The following RALGAPA2 variants were observed in gnomAD, a reference collection of about 807,000 sequenced individuals.
RALGAPA2 encodes Ral GTPase activating protein catalytic subunit alpha 2, also known as ral GTPase-activating protein subunit alpha-2.
In RALGAPA2, 139 loss-of-function variants were observed where a neutral mutation model predicts 230.4. That is an observed-to-expected ratio of 0.60 (90% CI 0.53 to 0.69). RALGAPA2 has a LOEUF of 0.69. RALGAPA2 is among the 30% of genes least tolerant of loss of function. The pLI, the probability that RALGAPA2 is intolerant of heterozygous loss-of-function variation, is 0.00. For missense variants in RALGAPA2, 2,163 were observed against 2,276.0 expected (o/e 0.95, Z 1.01); for synonymous variants, 847 against 837.8 (o/e 1.01, Z -0.19).
intron 16 of RALGAPA2, among the ~76,000 whole-genome samples, chr20:20,597,549 A>C (rs934412685): frequency 4.6e-5 from 7 of 152,204 alleles, no homozygotes; most frequent in Non-Finnish European, 8.8e-5. Context: ...TTAGTACTAC[A>C]GAAAGCCACA....
chr20:20,638,405 A>G (rs2066928033), intron 7 of RALGAPA2, among the ~76,000 whole-genome samples: 1 of 152,216 alleles, frequency 6.6e-6, no homozygotes, highest in African/African-American at 2.4e-5. Context: ...AGCGGGGTTC[A>G]GCATCCATAA....
intron 1 of RALGAPA2, among the ~76,000 whole-genome samples, chr20:20,697,556 A>C (rs1236723743): frequency 6.6e-6 from 1 of 152,158 alleles, no homozygotes; most frequent in East Asian, 1.9e-4. Flanking sequence ...CTTTCTCGGA[A>C]AGACAGGAGC....
At position 20,591,169 on chromosome 20, in the gene RALGAPA2, T is replaced by C. The variant is rs773073993; in HGVS notation, c.2341+8A>G. 1.9e-5 allele frequency: 29 copies of C among 1,499,986 alleles called. No homozygotes were observed. The Admixed American group carries it at 5.0e-4, about 26-fold the overall frequency. The allele number at this position is 1,499,986 out of a possible 1,614,324, so 92.9% of individuals were successfully genotyped here. On this transcript the variant is annotated splice_region_variant and intron_variant, in intron 17 of 39. Transcript: ENST00000202677. ...AGTTCTGTATTAAACACTGAAGACA[T>C]CATGTACCCTGAGAAGAATCTGAGC...
intron 12 of RALGAPA2, among the ~76,000 whole-genome samples, chr20:20,616,772 A>G (rs1331765948): frequency 6.6e-6 from 1 of 151,526 alleles, no homozygotes; most frequent in Non-Finnish European, 1.5e-5. Context: ...CCAGGAGGCT[A>G]TTTTTTTTTA....
chr20:20,673,291 CAG>C (rs1308848170), intron 3 of RALGAPA2, among the ~76,000 whole-genome samples: 1 of 136,536 alleles, frequency 7.3e-6, no homozygotes, highest in Non-Finnish European at 1.6e-5. Flanking sequence ...ACACCAAAAA[CAG>C]AGTTTAAAGC....
At chr20:20,599,665 C>A (rs964525575) in intron 16 of RALGAPA2, among the ~76,000 whole-genome samples, 1 of 152,184 alleles carries the variant, frequency 6.6e-6, no homozygotes, top group Non-Finnish European at 1.5e-5. Context: ...TACCCTACTG[C>A]CCTTTCTCCT....
chr20:20,700,737 T>C (rs1465463861), intron 1 of RALGAPA2, among the ~76,000 whole-genome samples: 1 of 152,214 alleles, frequency 6.6e-6, no homozygotes, highest in African/African-American at 2.4e-5. Context: ...CTTTCTTATA[T>C]CTATTCCCCT....
chr20:20,493,922 T>A (rs1297258755), intron 36 of RALGAPA2, among the ~76,000 whole-genome samples: 1 of 152,198 alleles, frequency 6.6e-6, no homozygotes, highest in Non-Finnish European at 1.5e-5. Flanking sequence ...TCCCTTTATG[T>A]CAGGCTTTGC....
intron 4 of RALGAPA2, among the ~76,000 whole-genome samples, chr20:20,645,206 C>T (rs1481969042): frequency 1.3e-5 from 2 of 150,222 alleles, no homozygotes; most frequent in African/African-American, 4.9e-5. Context: ...CCTCCACCTC[C>T]TGGGTTCTAG....
intron 1 of RALGAPA2, among the ~76,000 whole-genome samples, chr20:20,705,662 G>GTTGTTTTGTTTTGTT (rs550201915): frequency 4.0e-5 from 6 of 151,854 alleles, no homozygotes; most frequent in African/African-American, 1.5e-4. Context: ...TGTTGTTGTT[G>GTTGTTTTGTTTTGTT]TTGTTTTGTT....
In RALGAPA2 at chr20:20,495,201, G is replaced by A. The variant is rs775579990; in HGVS notation, c.5283C>T (p.Ile1761=). 1 of 1,611,538 alleles carries A rather than the reference G, an allele frequency of 6.2e-7. No homozygotes were observed. The highest frequency in any genetic ancestry group is 1.3e-5 in the African/African-American group (1 of 74,898). Residue 1761 remains isoleucine, a synonymous_variant, in exon 36 of 40, where the codon ATC becomes ATT. Transcript: ENST00000202677. The part of the protein sequence containing the change: ...EHSRDYRRGI[I]PTAFGDVSII... Reference sequence around the variant, plus strand: ...TTGAAACATCTCCAAAGGCAGTTGGGATAATACCCCTGCGGTAGTCTCTGG... The same window carrying A: ...TTGAAACATCTCCAAAGGCAGTTGGAATAATACCCCTGCGGTAGTCTCTGG...
At chr20:20,536,043 T>C (rs2063490669) in intron 25 of RALGAPA2, among the ~76,000 whole-genome samples, 1 of 152,222 alleles carries the variant, frequency 6.6e-6, no homozygotes, top group African/African-American at 2.4e-5. Context: ...AGAGCGCTTC[T>C]GGTATAAAGC....
intron 1 of RALGAPA2, among the ~76,000 whole-genome samples, chr20:20,683,852 T>C (rs964680782): frequency 6.6e-6 from 1 of 152,136 alleles, no homozygotes; most frequent in Non-Finnish European, 1.5e-5. Context: ...GTATATAAGA[T>C]AATATCTGAC....
At chr20:20,424,766 C>G (rs543131687) in intron 37 of RALGAPA2, among the ~76,000 whole-genome samples, 2 of 151,340 alleles carry the variant, frequency 1.3e-5, no homozygotes, top group East Asian at 3.9e-4. Context: ...CTAATCTGCA[C>G]GTTGTGCACA....
chr20:20,680,868 T>A, intron 1 of RALGAPA2, 67 bp from the exon 2 acceptor site: 2 of 1,503,818 alleles, frequency 1.3e-6, no homozygotes, highest in Non-Finnish European at 1.8e-6. Flanking sequence ...AGAAACAAAC[T>A]TCTCAGAAAA....
chr20:20,685,612 G>A (rs867379756), intron 1 of RALGAPA2, among the ~76,000 whole-genome samples: 1 of 152,030 alleles, frequency 6.6e-6, no homozygotes, highest in Non-Finnish European at 1.5e-5. Context: ...TGGTACAAAG[G>A]GACAAATGGG....
chr20:20,531,524 A>G (rs2063366521), intron 27 of RALGAPA2, among the ~76,000 whole-genome samples, 163 bp downstream of exon 27: 1 of 152,236 alleles, frequency 6.6e-6, no homozygotes, highest in African/African-American at 2.4e-5. Flanking sequence ...CCAGCAGGGG[A>G]GCATCCGTTG....
At chr20:20,560,259 A>T in intron 23 of RALGAPA2, among the ~76,000 whole-genome samples, 1 of 152,252 alleles carries the variant, frequency 6.6e-6, no homozygotes, top group East Asian at 1.9e-4. Flanking sequence ...AGACTCCAGC[A>T]CACAGGAAAA....
At chr20:20,473,090 C>G (rs1034047436) in intron 36 of RALGAPA2, 134 bp from the exon 37 acceptor site, 1 of 903,214 alleles carries the variant, frequency 1.1e-6, no homozygotes, top group Non-Finnish European at 1.6e-6. Context: ...CTGACCTTAA[C>G]AGGACACAGG....
Sources: gnomAD v4.1 joint callset for allele counts (sites outside exome capture counted in the v4.1 genomes callset) on GRCh38, gnomAD v4.1.1 for gene constraint, MANE v1.5 for transcripts, NCBI Gene and HGNC (gene_info 2026-07-23, HGNC 2026-07-21) for gene names.